UNC5C: variants seen among roughly 807,000 people sequenced by gnomAD.
UNC5C encodes the protein unc-5 netrin receptor C.
A neutral mutation model predicts 99.8 loss-of-function variants in UNC5C; 47 were observed. That is an observed-to-expected ratio of 0.47 (90% CI 0.37 to 0.60). UNC5C has a LOEUF of 0.60. Among genes scored for constraint, UNC5C ranks in the 20% least tolerant of loss-of-function variants. The pLI is 0.00. For synonymous variants in UNC5C, 487 were observed against 452.2 expected (o/e 1.08, Z -0.98); for missense variants, 1,062 against 1,165.9 (o/e 0.91, Z 1.30).
chr4:95,256,699 A>ATATATATATATATAT (rs1553958327), intron 4 of UNC5C, among the ~76,000 whole-genome samples: 32 of 90,684 alleles, frequency 3.5e-4, no homozygotes, highest in African/African-American at 1.1e-3. Flanking sequence ...GAACTAAATA[A>ATATATATATATATAT]ATATATATAT....
At chr4:95,473,201 T>C (rs1278238280) in intron 1 of UNC5C, among the ~76,000 whole-genome samples, 1 of 152,130 alleles carries the variant, frequency 6.6e-6, no homozygotes, top group African/African-American at 2.4e-5. Flanking sequence ...CCTCTTGGAA[T>C]GTGTGATTAG....
chr4:95,258,772 T>TTTTTTTTTTTTTTTTTTTTTTTGG, intron 4 of UNC5C, among the ~76,000 whole-genome samples: 1 of 126,240 alleles, frequency 7.9e-6, no homozygotes, highest in East Asian at 2.6e-4. Flanking sequence ...TTTTTTTTTT[T>TTTTTTTTTTTTTTTTTTTTTTTGG]GAGACGGAGT....
intron 1 of UNC5C, among the ~76,000 whole-genome samples, chr4:95,427,870 T>G (rs1287995075): frequency 6.6e-6 from 1 of 152,170 alleles, no homozygotes; most frequent in Non-Finnish European, 1.5e-5. Context: ...CACATCTGTC[T>G]CTTTAATCCA....
At chr4:95,216,580 G>A (rs1479386258) in intron 9 of UNC5C, among the ~76,000 whole-genome samples, 2 of 151,070 alleles carry the variant, frequency 1.3e-5, no homozygotes, top group Admixed American at 1.3e-4. Context: ...TTCAAAGTCA[G>A]GGAAATGCCA....
intron 2 of UNC5C, among the ~76,000 whole-genome samples, chr4:95,310,746 G>T (rs1742246526): frequency 6.6e-6 from 1 of 151,916 alleles, no homozygotes; most frequent in African/African-American, 2.4e-5. Flanking sequence ...TCTGTGCTTT[G>T]TTATATTTTT....
chr4:95,202,877 G>A lies in UNC5C; in HGVS notation c.1990C>T (p.Leu664Phe), dbSNP rs1737736413. Residue 664 changes from leucine (L) to phenylalanine (F), a missense_variant, in exon 12 of 16, where the codon CTC becomes TTC. Physicochemically the swap from Leu to Phe is conservative, Grantham distance 22. Coordinates refer to ENST00000453304, the MANE Select transcript of UNC5C (RefSeq NM_003728.4). ...TGTCCTACCAGGGCGTAGGTGCTGA[G>A]GTTCTCTGTGAGGATGTGGCAGGCC... ...AEACHILTEN[L>F]STYALVGHST... 1 of 1,614,140 alleles carries A rather than the reference G, an allele frequency of 6.2e-7. No individual in the cohort carries two copies. Among genetic ancestry groups the A allele is most frequent in the African/African-American group, 1.3e-5 (1 of 74,954 alleles).
At chr4:95,471,951 T>G (rs265061) in intron 1 of UNC5C, among the ~76,000 whole-genome samples, 4 of 151,896 alleles carry the variant, frequency 2.6e-5, no homozygotes, top group Admixed American at 1.3e-4. Context: ...AGTCTGAAAA[T>G]AAGTCTAGCT....
chr4:95,252,445 G>A (rs1049075198), intron 4 of UNC5C, among the ~76,000 whole-genome samples: 1 of 152,098 alleles, frequency 6.6e-6, no homozygotes, highest in Non-Finnish European at 1.5e-5. Context: ...CAGCCCTCAG[G>A]CTCACGGATT....
At chr4:95,544,902 C>T (rs1448077882) in intron 1 of UNC5C, among the ~76,000 whole-genome samples, 1 of 152,260 alleles carries the variant, frequency 6.6e-6, no homozygotes, top group Non-Finnish European at 1.5e-5. Flanking sequence ...ACTCCCTCTG[C>T]TGCTTCTGCA....
chr4:95,473,803 A>G (rs1451331047), intron 1 of UNC5C, among the ~76,000 whole-genome samples: 1 of 152,064 alleles, frequency 6.6e-6, no homozygotes, highest in Non-Finnish European at 1.5e-5. Context: ...CAGAGGGGAG[A>G]TGGTAGCTAT....
intron 2 of UNC5C, among the ~76,000 whole-genome samples, chr4:95,330,618 AT>A (rs1202043971): frequency 6.6e-6 from 1 of 151,868 alleles, no homozygotes; most frequent in Non-Finnish European, 1.5e-5. Flanking sequence ...TCATTTAAAG[AT>A]TTTTTTTCTT....
chr4:95,197,823 T>G (rs1560727511), intron 12 of UNC5C, among the ~76,000 whole-genome samples: 3 of 152,074 alleles, frequency 2.0e-5, no homozygotes, highest in Non-Finnish European at 4.4e-5. Flanking sequence ...AGTGGGCTTA[T>G]TCAGTGGAGG....
chr4:95,485,156 A>G (rs531958222), intron 1 of UNC5C, among the ~76,000 whole-genome samples: 60 of 151,914 alleles, frequency 3.9e-4, no homozygotes, highest in South Asian at 8.3e-4. Context: ...GGAAATTGGT[A>G]TCATATTCAT....
intron 1 of UNC5C, among the ~76,000 whole-genome samples, chr4:95,445,471 G>A (rs1192391668): frequency 1.3e-5 from 2 of 151,960 alleles, no homozygotes; most frequent in Non-Finnish European, 1.5e-5. Context: ...CTGTAGAATT[G>A]GCTTTTTAAA....
chr4:95,182,223 A>G (rs1224835047), intron 14 of UNC5C, among the ~76,000 whole-genome samples: 4 of 152,178 alleles, frequency 2.6e-5, no homozygotes, highest in Non-Finnish European at 5.9e-5. Flanking sequence ...GAAATAGCCA[A>G]CTGAAGTGTG....
intron 3 of UNC5C, among the ~76,000 whole-genome samples, chr4:95,280,009 A>G (rs2865420): frequency 0.68 from 103,054 of 151,918 alleles, 36,088 homozygotes; most frequent in African/African-American, 0.87. Flanking sequence ...ATCTAATGCC[A>G]CCACTGATCT....
intron 1 of UNC5C, among the ~76,000 whole-genome samples, chr4:95,353,957 A>G (rs1279243178): frequency 1.3e-5 from 2 of 152,168 alleles, no homozygotes; most frequent in South Asian, 2.1e-4. Context: ...ACAGAAGTCC[A>G]TAAGTCCTAA....
chr4:95,247,108 C>T (rs1187525606), intron 5 of UNC5C, among the ~76,000 whole-genome samples: 1 of 151,966 alleles, frequency 6.6e-6, no homozygotes, highest in East Asian at 1.9e-4. Context: ...TAAATGCTAT[C>T]TCTGGGTGGC....
rs1214470094 is a variant in UNC5C, at chr4:95,344,984, A to G, written c.125-9353T>C. On this transcript the variant is annotated intron_variant, in intron 1 of 15. Transcript: ENST00000453304. ...AAACAAATCACAAAATGTCAGGAATAAGTCCTTATTTGTGAATAATAATAT... is the reference window on the plus strand; with the variant it reads ...AAACAAATCACAAAATGTCAGGAATGAGTCCTTATTTGTGAATAATAATAT... Among the ~76,000 whole-genome samples, 6 of 152,146 alleles carry G rather than the reference A, an allele frequency of 3.9e-5. No individual in the cohort carries two copies. The East Asian group carries it at 1.2e-3, about 29-fold the overall frequency.
Sources: allele counts gnomAD v4.1 joint callset (sites outside exome capture counted in the v4.1 genomes callset), GRCh38; gene constraint gnomAD v4.1.1; transcripts MANE v1.5; gene names NCBI Gene and HGNC (gene_info 2026-07-23, HGNC 2026-07-21).